Variants in CDH7 observed in about 807,000 individuals in gnomAD.
CDH7 encodes cadherin 7.
In CDH7, 25 loss-of-function variants were observed where a neutral mutation model predicts 71.8. That is an observed-to-expected ratio of 0.35 (90% CI 0.25 to 0.49). The LOEUF is 0.49. Ranked by LOEUF, CDH7 falls within the 20% of genes least tolerant of loss-of-function variation. The probability of loss-of-function intolerance (pLI) is 0.99; values close to 1 mark genes in which losing one functional copy is unlikely to be tolerated. For synonymous variants in CDH7, 381 were observed against 363.8 expected (o/e 1.05, Z -0.54); for missense variants, 862 against 974.6 (o/e 0.88, Z 1.54).
At chr18:65,811,078 GTTGA>G (rs919818655) in intron 3 of CDH7, among the ~76,000 whole-genome samples, 7 of 151,856 alleles carry the variant, frequency 4.6e-5, no homozygotes, top group South Asian at 4.2e-4. Flanking sequence ...TGAGAGATGG[GTTGA>G]TTATTATATA....
chr18:65,865,557 G>T (rs1913728430), intron 11 of CDH7: 1 of 152,028 alleles, frequency 6.6e-6, no homozygotes, highest in Non-Finnish European at 1.5e-5. Context: ...GGAACAAGGG[G>T]CTTCTGCTTG....
chr18:65,792,548 C>T (rs1306647746), intron 2 of CDH7, among the ~76,000 whole-genome samples: 1 of 151,582 alleles, frequency 6.6e-6, no homozygotes, highest in Non-Finnish European at 1.5e-5. Flanking sequence ...TATCTTCCTT[C>T]TAAGGTAATA....
intron 4 of CDH7, among the ~76,000 whole-genome samples, chr18:65,821,531 G>A (rs1037612110): frequency 1.4e-4 from 21 of 152,130 alleles, no homozygotes; most frequent in Admixed American, 8.5e-4. Context: ...AATAAGCAAC[G>A]TGGACTTTTC....
chr18:65,802,248 A>G (rs1319172969), intron 2 of CDH7, among the ~76,000 whole-genome samples: 1 of 152,232 alleles, frequency 6.6e-6, no homozygotes. Flanking sequence ...TTAAGAACAC[A>G]CTATACTATT....
chr18:65,826,646 T>C (rs545952087), intron 6 of CDH7, among the ~76,000 whole-genome samples: 1 of 151,626 alleles, frequency 6.6e-6, no homozygotes, highest in Non-Finnish European at 1.5e-5. Flanking sequence ...TTTCTAAATC[T>C]TACCTTCACT....
chr18:65,793,180 C>T (rs1568188044), intron 2 of CDH7, among the ~76,000 whole-genome samples: 2 of 152,090 alleles, frequency 1.3e-5, no homozygotes, highest in African/African-American at 2.4e-5. Flanking sequence ...AGGCTCACAC[C>T]TGTAATCTCA....
chr18:65,834,843 C>A (rs1427347972), intron 6 of CDH7, among the ~76,000 whole-genome samples: 1 of 152,208 alleles, frequency 6.6e-6, no homozygotes, highest in Non-Finnish European at 1.5e-5. Flanking sequence ...GCTGCCATCA[C>A]CTGACAAAAA....
intron 7 of CDH7, among the ~76,000 whole-genome samples, chr18:65,856,413 A>G (rs1913358447): frequency 6.6e-6 from 1 of 152,162 alleles, no homozygotes; most frequent in Non-Finnish European, 1.5e-5. Flanking sequence ...TGATTTTAAG[A>G]AAATGTTGCT....
In CDH7 at chr18:65,782,035, TTC is replaced by T. The variant is rs1227761088; in HGVS notation, c.210+18984_210+18985del. Reference sequence around the variant, plus strand: ...CTTTCTCTCTCTCTTTCTCCCTTCCTTCCTTCCTTCCTTCCTTCCTTCCTTCC... The same window carrying T: ...CTTTCTCTCTCTCTTTCTCCCTTCCTCTTCCTTCCTTCCTTCCTTCCTTCC... On this transcript the variant is annotated intron_variant, in intron 2 of 11. Coordinates refer to ENST00000397968, the MANE Select transcript of CDH7 (RefSeq NM_004361.5). 6.3e-4 allele frequency among the ~76,000 whole-genome samples: 39 copies of T among 61,764 alleles called. 11 individuals are homozygous for T. The highest frequency in any genetic ancestry group is 3.1e-3 in the African/African-American group (21 of 6,764). The allele number at this position is 61,764 out of a possible 152,430, so 40.5% of individuals were successfully genotyped here.
intron 6 of CDH7, among the ~76,000 whole-genome samples, chr18:65,838,464 C>T (rs112864521): frequency 0.019 from 2,844 of 152,194 alleles, 82 homozygotes; most frequent in African/African-American, 0.065. Context: ...CAAAATTAAA[C>T]GTAAGACATT....
intron 11 of CDH7, among the ~76,000 whole-genome samples, chr18:65,871,447 A>G (rs891424686): frequency 2.6e-5 from 4 of 152,188 alleles, no homozygotes; most frequent in African/African-American, 4.8e-5. Flanking sequence ...CAGGTATGCA[A>G]CGCAGATGAG....
intron 2 of CDH7, among the ~76,000 whole-genome samples, chr18:65,795,901 T>C (rs1454116600): frequency 6.6e-6 from 1 of 152,044 alleles, no homozygotes; most frequent in African/African-American, 2.4e-5. Context: ...GATCTGAGTT[T>C]TATAAGGGAC....
chr18:65,756,496 A>G (rs116125668), intron 1 of CDH7, among the ~76,000 whole-genome samples: 2,333 of 152,364 alleles, frequency 0.015, 52 homozygotes, highest in African/African-American at 0.052. Context: ...AAAGAGAGGC[A>G]TAACTTCTTT....
At chr18:65,831,905 C>G (rs1034825742) in intron 6 of CDH7, among the ~76,000 whole-genome samples, 4 of 152,016 alleles carry the variant, frequency 2.6e-5, no homozygotes, top group African/African-American at 9.6e-5. Flanking sequence ...GACAGTCCAC[C>G]AAAACGAACA....
At chr18:65,821,491 A>G (rs911775094) in intron 4 of CDH7, among the ~76,000 whole-genome samples, 2 of 152,170 alleles carry the variant, frequency 1.3e-5, no homozygotes, top group Admixed American at 6.5e-5. Context: ...CACTTAGTGT[A>G]TTAGAATAAA....
intron 7 of CDH7, among the ~76,000 whole-genome samples, chr18:65,856,451 A>G (rs1298107325): frequency 6.6e-6 from 1 of 152,166 alleles, no homozygotes; most frequent in Non-Finnish European, 1.5e-5. Flanking sequence ...GGTCCCTATT[A>G]GGATGAAGAA....
chr18:65,778,653 TAG>T (rs139877946), intron 2 of CDH7, among the ~76,000 whole-genome samples: 49,750 of 147,874 alleles, frequency 0.34, 8,713 homozygotes, highest in Middle Eastern at 0.45. Flanking sequence ...AGTTTGCATA[TAG>T]AGTTTATTTT....
At chr18:65,795,009 G>A (rs1439391772) in intron 2 of CDH7, among the ~76,000 whole-genome samples, 1 of 152,164 alleles carries the variant, frequency 6.6e-6, no homozygotes, top group Non-Finnish European at 1.5e-5. Context: ...AACAATTTGT[G>A]AAGTGGAGTG....
chr18:65,820,151 T>A (rs1911869191), intron 4 of CDH7, among the ~76,000 whole-genome samples: 1 of 149,682 alleles, frequency 6.7e-6, no homozygotes, highest in Non-Finnish European at 1.5e-5. Context: ...ATGCTTTTTA[T>A]GAACATGGAT....
Sources: allele counts gnomAD v4.1 joint callset (sites outside exome capture counted in the v4.1 genomes callset), GRCh38; gene constraint gnomAD v4.1.1; transcripts MANE v1.5; gene names NCBI Gene and HGNC (gene_info 2026-07-23, HGNC 2026-07-21).